ANO3: variants seen among roughly 807,000 people sequenced by gnomAD.
ANO3 encodes the protein anoctamin 3, also known as anoctamin-3.
A neutral mutation model predicts 144.8 loss-of-function variants in ANO3; 99 were observed. That is an observed-to-expected ratio of 0.68 (90% CI 0.58 to 0.81). The LOEUF (loss-of-function observed/expected upper bound fraction) is 0.81. Among genes scored for constraint, ANO3 ranks in the 30% least tolerant of loss-of-function variants. The pLI, the probability that ANO3 is intolerant of heterozygous loss-of-function variation, is 0.00. For missense variants in ANO3, 905 were observed against 1,202.2 expected (o/e 0.75, Z 3.66); for synonymous variants, 414 against 392.6 (o/e 1.05, Z -0.64).
chr11:26,194,746 A>T (rs1184862750), intron 1 of ANO3, among the ~76,000 whole-genome samples: 1 of 151,884 alleles, frequency 6.6e-6, no homozygotes, highest in Admixed American at 6.6e-5. Flanking sequence ...TTGTATTTTT[A>T]GTAGAGATGG....
chr11:26,218,310 T>A (rs1852073830), intron 1 of ANO3, among the ~76,000 whole-genome samples: 1 of 151,980 alleles, frequency 6.6e-6, no homozygotes, highest in Non-Finnish European at 1.5e-5. Flanking sequence ...TAAGAAAATG[T>A]CCTTTTCCTG....
At chr11:26,292,435 A>C (rs888171836) in intron 1 of ANO3, among the ~76,000 whole-genome samples, 5 of 152,130 alleles carry the variant, frequency 3.3e-5, no homozygotes, top group Admixed American at 2.0e-4. Context: ...GTCATTCTCT[A>C]TCCAGCTGTG....
At chr11:26,487,185 C>A (rs1484237834) in intron 4 of ANO3, among the ~76,000 whole-genome samples, 1 of 152,140 alleles carries the variant, frequency 6.6e-6, no homozygotes, top group Non-Finnish European at 1.5e-5. Flanking sequence ...GGGAGGGACC[C>A]AAGGGGAGGT....
chr11:26,216,676 T>C lies in ANO3; in HGVS notation c.154+27346T>C, dbSNP rs180721387. 1.5e-3 allele frequency among the ~76,000 whole-genome samples: 229 copies of C among 152,134 alleles called. 1 individual carries two copies. The highest frequency in any genetic ancestry group is 3.7e-3 in the Admixed American group (56 of 15,252). The stretch of plus-strand genomic sequence containing the variant: ...ATTGTATAGTAAAATTATGCTTAGC[T>C]TTGAAATAAACAGCCAAACTGTATT... On this transcript the variant is annotated intron_variant, in intron 1 of 27. Coordinates refer to the ANO3 transcript ENST00000672621.
chr11:26,393,530 G>T (rs1856933131), intron 1 of ANO3, among the ~76,000 whole-genome samples: 1 of 152,152 alleles, frequency 6.6e-6, no homozygotes, highest in Admixed American at 6.6e-5. Flanking sequence ...GCTCTATGCT[G>T]CACTCCATGT....
intron 1 of ANO3, among the ~76,000 whole-genome samples, chr11:26,428,159 C>T (rs1423910935): frequency 6.6e-6 from 1 of 152,114 alleles, no homozygotes; most frequent in African/African-American, 2.4e-5. Context: ...AACAAACATT[C>T]AACATGTATA....
intron 17 of ANO3, among the ~76,000 whole-genome samples, chr11:26,623,453 A>G (rs1347722574): frequency 1.3e-5 from 2 of 152,126 alleles, no homozygotes; most frequent in Non-Finnish European, 2.9e-5. Flanking sequence ...TCCCAACTAT[A>G]TTTACTTGGA....
chr11:26,424,731 A>G (rs1857868140), intron 1 of ANO3, among the ~76,000 whole-genome samples: 1 of 152,094 alleles, frequency 6.6e-6, no homozygotes, highest in Non-Finnish European at 1.5e-5. Context: ...TGATTAATTG[A>G]CATAAAAACT....
rs900440350 is a variant in ANO3 at position 26,250,038 on chromosome 11, G to A, written c.155-59607G>A. 1.2e-4 allele frequency among the ~76,000 whole-genome samples: 18 copies of A among 152,242 alleles called. 1 individual carries two copies. Among genetic ancestry groups the A allele is most frequent in the African/African-American group, 3.1e-4 (13 of 41,532 alleles). On this transcript the variant is annotated intron_variant, in intron 1 of 27. Coordinates refer to the ANO3 transcript ENST00000672621. ...AGTGGCCCACATCACTGTCCCTGTC[G>A]CTTCCAAAGGCCACTGGCTAGAACT...
chr11:26,202,173 T>G (rs1418138051), intron 1 of ANO3, among the ~76,000 whole-genome samples: 2 of 148,948 alleles, frequency 1.3e-5, no homozygotes, highest in Non-Finnish European at 3.0e-5. Context: ...AATTTCTAAC[T>G]GACCTCACAT....
chr11:26,584,822 T>C (rs1327170274), intron 14 of ANO3, among the ~76,000 whole-genome samples: 1 of 152,212 alleles, frequency 6.6e-6, no homozygotes, highest in Non-Finnish European at 1.5e-5. Flanking sequence ...TCTGATAGTC[T>C]GTGCTGTGAA....
intron 6 of ANO3, among the ~76,000 whole-genome samples, chr11:26,523,356 G>A (rs1466064279): frequency 6.6e-6 from 1 of 152,188 alleles, no homozygotes; most frequent in Non-Finnish European, 1.5e-5. Context: ...ATACGGAAGA[G>A]AAATAAAACC....
At chr11:26,599,099 C>T in intron 16 of ANO3, 101 bp downstream of exon 16, 4 of 1,245,200 alleles carry the variant, frequency 3.2e-6, no homozygotes, top group Non-Finnish European at 2.3e-6. Flanking sequence ...TGTCAGAAAC[C>T]TTATTCTTTC....
rs1264292714 is a variant in ANO3, at chr11:26,662,395, T to C, written c.*1951T>C. On this transcript the variant is annotated 3_prime_UTR_variant, in exon 27 of 27. Coordinates refer to ENST00000256737, the MANE Select transcript of ANO3 (RefSeq NM_031418.4). The stretch of plus-strand genomic sequence containing the variant: ...AGTTTTTTACACTCCTCCATTTTTA[T>C]AGCATCTGCATTTCTTTTTCTTTGT... The C allele has an allele frequency of 6.6e-6, 1 of 151,984 alleles. No homozygotes were observed. 9.4% of individuals were successfully genotyped at this position (151,984 alleles called of 1,614,324 possible).
At chr11:26,491,167 G>C (rs1013204782) in intron 4 of ANO3, among the ~76,000 whole-genome samples, 2 of 152,058 alleles carry the variant, frequency 1.3e-5, no homozygotes, top group South Asian at 2.1e-4. Context: ...GTCTTACAAG[G>C]GTATTATGGA....
chr11:26,196,848 C>G (rs1233160799), intron 1 of ANO3, among the ~76,000 whole-genome samples: 1 of 152,134 alleles, frequency 6.6e-6, no homozygotes, highest in Non-Finnish European at 1.5e-5. Context: ...ATAAAATGTT[C>G]ACTATTTGTA....
At chr11:26,640,924 C>T (rs1230253422) in intron 21 of ANO3, among the ~76,000 whole-genome samples, 3 of 152,160 alleles carry the variant, frequency 2.0e-5, no homozygotes, top group Admixed American at 2.0e-4. Flanking sequence ...TTTTCACCTT[C>T]ATGAGGCTCT....
intron 18 of ANO3, among the ~76,000 whole-genome samples, chr11:26,631,391 TA>T (rs1302142845): frequency 1.4e-4 from 22 of 152,032 alleles, no homozygotes; most frequent in African/African-American, 5.3e-4. Context: ...ATTTATACAT[TA>T]AAAATAAATA....
At chr11:26,623,409 T>C (rs1294383165) in intron 17 of ANO3, among the ~76,000 whole-genome samples, 1 of 152,240 alleles carries the variant, frequency 6.6e-6, no homozygotes, top group African/African-American at 2.4e-5. Flanking sequence ...CACATACATA[T>C]ACCCACAAGT....
Sources: gnomAD v4.1 joint callset for allele counts (sites outside exome capture counted in the v4.1 genomes callset) on GRCh38, gnomAD v4.1.1 for gene constraint, MANE v1.5 for transcripts, NCBI Gene and HGNC (gene_info 2026-07-23, HGNC 2026-07-21) for gene names.